TFPI: variants seen among roughly 807,000 people sequenced by gnomAD.
TFPI encodes tissue factor pathway inhibitor.
A neutral mutation model predicts 34.6 loss-of-function variants in TFPI; 15 were observed. The observed-to-expected ratio is 0.43, with a 90% CI of 0.29 to 0.67. The LOEUF (loss-of-function observed/expected upper bound fraction) is 0.67. TFPI is among the 30% of genes least tolerant of loss of function. TFPI has a pLI of 0.15. For synonymous variants in TFPI, 105 were observed against 120.1 expected, an observed-to-expected ratio of 0.87 and a Z score of 0.82; for missense variants, 301 against 364.0, an observed-to-expected ratio of 0.83 and a Z score of 1.41.
intron 1 of TFPI, among the ~76,000 whole-genome samples, chr2:187,510,809 A>C (rs763206257): frequency 2.0e-5 from 3 of 152,182 alleles, no homozygotes; most frequent in Non-Finnish European, 4.4e-5. Flanking sequence ...TTAGAGTTGT[A>C]GGCCCTTAAA....
At chr2:187,540,185 G>A (rs957567614) in intron 1 of TFPI, among the ~76,000 whole-genome samples, 1 of 152,114 alleles carries the variant, frequency 6.6e-6, no homozygotes, top group Non-Finnish European at 1.5e-5. Flanking sequence ...TTACAGGCGT[G>A]AGTCACCGCG....
intron 1 of TFPI, chr2:187,517,631 G>C (rs895434795): frequency 2.6e-5 from 4 of 152,206 alleles, no homozygotes; most frequent in African/African-American, 9.6e-5. Flanking sequence ...ATTTGGGGTT[G>C]AGAGTTCTGT....
chr2:187,497,148 T>C, intron 2 of TFPI, 70 bp from the exon 3 acceptor site: 5 of 1,343,306 alleles, frequency 3.7e-6, no homozygotes, highest in South Asian at 1.4e-5. Context: ...TTTATTTCCT[T>C]TTTAATATGT....
intron 6 of TFPI, among the ~76,000 whole-genome samples, chr2:187,469,797 A>G (rs1691929535): frequency 6.6e-6 from 1 of 152,174 alleles, no homozygotes; most frequent in Non-Finnish European, 1.5e-5. Flanking sequence ...TAGACATTCT[A>G]GAAAATGTTG....
chr2:187,467,640 G>A lies in TFPI; in HGVS notation c.808+113C>T, dbSNP rs181026479. ...AATTGAAGAGGACATTTATTAGCTA[G>A]ATTATACTTTCTTATAATAAAGATA... On this transcript the variant is annotated intron_variant, in intron 7 of 7. Transcript: ENST00000233156. 13 of 978,022 alleles carry A rather than the reference G, an allele frequency of 1.3e-5. No homozygotes were observed. The African/African-American group carries it at 2.0e-4, about 15-fold the overall frequency. 60.6% of individuals were successfully genotyped at this position (978,022 alleles called of 1,614,324 possible). A position where few individuals can be genotyped will look rare whatever the true frequency, so the allele number is the denominator to read the frequency against.
chr2:187,538,144 AAATT>A (rs1027621554), intron 1 of TFPI, among the ~76,000 whole-genome samples: 9 of 152,226 alleles, frequency 5.9e-5, no homozygotes, highest in African/African-American at 1.7e-4. Flanking sequence ...GTGGGAGTGT[AAATT>A]AATTCAACCA....
chr2:187,473,842 C>T (rs1357810816), intron 6 of TFPI, among the ~76,000 whole-genome samples: 1 of 150,132 alleles, frequency 6.7e-6, no homozygotes, highest in African/African-American at 2.4e-5. Flanking sequence ...GGGCCACTTA[C>T]CTGAGGATAA....
chr2:187,549,188 C>T (rs143602384), intron 1 of TFPI, among the ~76,000 whole-genome samples: 20 of 152,036 alleles, frequency 1.3e-4, no homozygotes, highest in East Asian at 7.8e-4. Flanking sequence ...ATGTCTACTA[C>T]GTTTTCATTT....
intron 1 of TFPI, among the ~76,000 whole-genome samples, chr2:187,535,106 C>T (rs527590228): frequency 1.2e-4 from 18 of 152,084 alleles, no homozygotes; most frequent in African/African-American, 3.6e-4. Context: ...TAGAGACCTA[C>T]GAAGAGATTT....
intron 3 of TFPI, among the ~76,000 whole-genome samples, chr2:187,494,422 C>T (rs942922944): frequency 3.3e-5 from 5 of 152,218 alleles, no homozygotes; most frequent in Non-Finnish European, 7.3e-5. Context: ...TGAATGCCTT[C>T]ACACAGGAAG....
intron 1 of TFPI, among the ~76,000 whole-genome samples, chr2:187,512,701 T>A (rs1040428617): frequency 6.6e-6 from 1 of 152,044 alleles, no homozygotes; most frequent in African/African-American, 2.4e-5. Flanking sequence ...TTAGACAGTC[T>A]AGTCCACAGA....
intron 4 of TFPI, 150 bp downstream of exon 4, chr2:187,488,187 A>AT: frequency 1.8e-6 from 1 of 545,190 alleles, no homozygotes; most frequent in Non-Finnish European, 3.2e-6. Flanking sequence ...TCTTTTATGG[A>AT]TTTTTTTAAA....
At chr2:187,535,510 GAAAT>G (rs1395067619) in intron 1 of TFPI, among the ~76,000 whole-genome samples, 2 of 152,126 alleles carry the variant, frequency 1.3e-5, no homozygotes, top group Non-Finnish European at 2.9e-5. Flanking sequence ...AATCAAGGCA[GAAAT>G]AAATAAGTTA....
rs779276186 is a variant in TFPI at position 187,484,900 on chromosome 2, T to A, written c.446A>T (p.Gln149Leu). Residue 149 changes from glutamine to leucine, a missense_variant, in exon 5 of 8, where the codon CAG (glutamine) becomes CTG (leucine). Coordinates refer to ENST00000233156, the MANE Select transcript of TFPI (RefSeq NM_006287.6). ...TCCACCATACTTGAAACGTTCACAC[T>A]GTTTTGTCTGATTGTTATAAAAATA... is the stretch of plus-strand genomic sequence containing the variant. ...TRYFYNNQTK[Q>L]CERFKYGGCL... 11 of 1,592,124 alleles carry A rather than the reference T, an allele frequency of 6.9e-6. No homozygotes were observed. Among genetic ancestry groups the A allele is most frequent in the Non-Finnish European group, 7.7e-6 (9 of 1,171,844 alleles).
chr2:187,497,185 A>C lies in TFPI; in HGVS notation c.122-107T>G, dbSNP rs1349005703. The C allele has an allele frequency of 2.6e-5, 26 of 1,006,040 alleles. 1 individual carries two copies. The highest frequency in any genetic ancestry group is 3.1e-5 in the Non-Finnish European group (22 of 704,148). The allele number at this position is 1,006,040 out of a possible 1,614,324, so 62.3% of individuals were successfully genotyped here. ...CTGATTTTAAGGAAAAGTACAATAA[A>C]ACATACTAAGAAACTATAAAAAGTT... On this transcript the variant is annotated intron_variant, in intron 2 of 7. Transcript: ENST00000233156.
At chr2:187,511,675 G>A (rs369766529) in intron 1 of TFPI, among the ~76,000 whole-genome samples, 2 of 152,228 alleles carry the variant, frequency 1.3e-5, no homozygotes. Context: ...TGTTTCAAAG[G>A]TATGGCACAA....
chr2:187,512,763 G>C (rs1473493492), intron 1 of TFPI, among the ~76,000 whole-genome samples: 1 of 151,022 alleles, frequency 6.6e-6, no homozygotes, highest in African/African-American at 2.5e-5. Flanking sequence ...CAAAAAAAAG[G>C]GAAAAAAAGT....
chr2:187,504,031 TA>T (rs1469655361), intron 1 of TFPI, among the ~76,000 whole-genome samples: 1 of 152,102 alleles, frequency 6.6e-6, no homozygotes. Flanking sequence ...AAAATATAAA[TA>T]AAAAGGACAG....
intron 7 of TFPI, 125 bp from the exon 8 acceptor site, chr2:187,467,167 T>A: frequency 1.6e-6 from 1 of 630,038 alleles, no homozygotes. Flanking sequence ...TAAAAGCCTT[T>A]AATTTGTCCA....
Sources: allele counts gnomAD v4.1 joint callset (sites outside exome capture counted in the v4.1 genomes callset), GRCh38; gene constraint gnomAD v4.1.1; transcripts MANE v1.5; gene names NCBI Gene and HGNC (gene_info 2026-07-23, HGNC 2026-07-21).